CLNK: variants seen among roughly 807,000 people sequenced by gnomAD.
CLNK encodes cytokine-dependent hematopoietic cell linker.
CLNK carries 74 observed loss-of-function variants against 68.6 expected under a neutral mutation model. That is an observed-to-expected ratio of 1.08 (90% CI 0.89 to 1.31). CLNK has a LOEUF of 1.31. CLNK is among the 50% of genes most tolerant of loss of function. The pLI is 0.00. For missense variants in CLNK, 553 were observed against 515.3 expected (o/e 1.07, Z -0.71); for synonymous variants, 198 against 172.2 (o/e 1.15, Z -1.17).
chr4:10,713,635 A>G, the CLNK span, among the ~76,000 whole-genome samples: 1 of 152,104 alleles, frequency 6.6e-6, no homozygotes, highest in African/African-American at 2.4e-5. Flanking sequence ...GGTGGGGCCT[A>G]GTGGGAGGTA....
chr4:10,684,805 C>G (rs567425029), upstream of CLNK: 22 of 152,240 alleles, frequency 1.4e-4, no homozygotes, highest in African/African-American at 4.1e-4. Flanking sequence ...TAAGCAGTGC[C>G]CTTCAGCAGA....
intron 2 of CLNK, among the ~76,000 whole-genome samples, chr4:10,618,786 C>G (rs536901952): frequency 1.3e-5 from 2 of 152,178 alleles, no homozygotes; most frequent in African/African-American, 4.8e-5. Flanking sequence ...CCATATCTCA[C>G]AATAACTCAC....
intron 12 of CLNK, among the ~76,000 whole-genome samples, chr4:10,530,554 C>A (rs1718494517): frequency 6.6e-6 from 1 of 152,216 alleles, no homozygotes; most frequent in South Asian, 2.1e-4. Flanking sequence ...CAACTTCTAG[C>A]AGAATGCCAA....
the CLNK span, among the ~76,000 whole-genome samples, chr4:10,701,996 C>T: frequency 8.5e-5 from 13 of 152,124 alleles, no homozygotes; most frequent in Non-Finnish European, 8.8e-5. Flanking sequence ...GCAGATTTTC[C>T]GCTTGGCACA....
At chr4:10,616,987 T>C (rs1376720780) in intron 2 of CLNK, among the ~76,000 whole-genome samples, 1 of 151,966 alleles carries the variant, frequency 6.6e-6, no homozygotes, top group Admixed American at 6.5e-5. Context: ...AGGATGAAAC[T>C]CTGGGCTTCT....
At position 10,571,739 on chromosome 4, in the gene CLNK, A is replaced by G. The variant is rs1331809698; in HGVS notation, c.150+2T>C. On this transcript the variant is annotated splice_donor_variant, in intron 5 of 18. Transcript: ENST00000226951. LOFTEE classifies it high-confidence loss of function. ...AATAGATAAGGGAAGCAGCTGACTT[A>G]CCCAGTCTAGAAGAGGCTTGTTCAT... 6.2e-7 allele frequency: 1 copy of G among 1,611,412 alleles called. No individual in the cohort carries two copies. Among genetic ancestry groups the G allele is most frequent in the Non-Finnish European group, 8.5e-7 (1 of 1,177,802 alleles).
intron 2 of CLNK, among the ~76,000 whole-genome samples, chr4:10,664,029 T>C (rs1270526633): frequency 6.6e-6 from 1 of 152,218 alleles, no homozygotes; most frequent in Non-Finnish European, 1.5e-5. Flanking sequence ...TAAATTTCTG[T>C]TGTTCCTGAG....
intron 2 of CLNK, among the ~76,000 whole-genome samples, chr4:10,602,907 G>T (rs1721643063): frequency 6.6e-6 from 1 of 152,338 alleles, no homozygotes; most frequent in South Asian, 2.1e-4. Context: ...CCAGTGAGGG[G>T]TTGAATTTGC....
chr4:10,625,402 C>CT (rs1461829361), intron 2 of CLNK, among the ~76,000 whole-genome samples: 1 of 152,218 alleles, frequency 6.6e-6, no homozygotes, highest in Non-Finnish European at 1.5e-5. Context: ...CTGCCCTGAG[C>CT]TTGGCCCTTC....
intron 11 of CLNK, among the ~76,000 whole-genome samples, chr4:10,535,982 C>G (rs1267335402): frequency 1.3e-5 from 2 of 152,172 alleles, no homozygotes; most frequent in African/African-American, 4.8e-5. Context: ...CAATGAATGA[C>G]TGGGGTGACG....
chr4:10,701,161 G>T, the CLNK span, among the ~76,000 whole-genome samples: 2 of 152,116 alleles, frequency 1.3e-5, no homozygotes, highest in East Asian at 1.9e-4. Flanking sequence ...TGTTTCATTT[G>T]TTTGTCAATA....
At chr4:10,703,854 A>G in the CLNK span, among the ~76,000 whole-genome samples, 1 of 152,216 alleles carries the variant, frequency 6.6e-6, no homozygotes, top group Non-Finnish European at 1.5e-5. Context: ...GTAATAATAC[A>G]GTATTATAAC....
intron 2 of CLNK, among the ~76,000 whole-genome samples, chr4:10,640,948 A>AG (rs1723282599): frequency 6.6e-6 from 1 of 152,246 alleles, no homozygotes; most frequent in Non-Finnish European, 1.5e-5. Context: ...GCCACAGTGA[A>AG]GGGGGCCTTG....
chr4:10,709,225 T>C, the CLNK span, among the ~76,000 whole-genome samples: 3 of 152,362 alleles, frequency 2.0e-5, no homozygotes, highest in African/African-American at 7.2e-5. Context: ...TTCAGTGGAA[T>C]GTACTTTACA....
At chr4:10,505,251 G>T (rs139392967) in intron 17 of CLNK, among the ~76,000 whole-genome samples, 1 of 152,146 alleles carries the variant, frequency 6.6e-6, no homozygotes, top group Non-Finnish European at 1.5e-5. Flanking sequence ...AACCACCCAC[G>T]GCTCTCCACC....
In CLNK at chr4:10,532,276, T is replaced by C. The variant is rs1239199278; in HGVS notation, c.610A>G (p.Ser204Gly). The change falls in exon 12 of 19, where the codon AGC becomes GGC. Residue 204 changes from serine (S) to glycine (G), a missense_variant. Coordinates refer to ENST00000226951, the MANE Select transcript of CLNK (RefSeq NM_052964.4). Reference sequence around the variant, plus strand: ...CTTACCTCACTTAAGTCCCTTAAGCTTATCTGACTGCAAGAAAAAGAAATA... The same window carrying C: ...CTTACCTCACTTAAGTCCCTTAAGCCTATCTGACTGCAAGAAAAAGAAATA... ...PEVQRMPSQI[S>G]LRDLSEVLEA... The C allele has an allele frequency of 6.2e-7, 1 of 1,610,378 alleles. No homozygotes were observed. The highest frequency in any genetic ancestry group is 1.1e-5 in the South Asian group (1 of 90,616).
intron 2 of CLNK, among the ~76,000 whole-genome samples, chr4:10,628,615 C>T (rs915863134): frequency 3.3e-5 from 5 of 152,166 alleles, no homozygotes; most frequent in Non-Finnish European, 7.3e-5. Context: ...TTCTCATTCC[C>T]TGGGACGAAC....
At chr4:10,598,401 A>G (rs1721464752) in intron 2 of CLNK, among the ~76,000 whole-genome samples, 1 of 152,216 alleles carries the variant, frequency 6.6e-6, no homozygotes, top group African/African-American at 2.4e-5. Context: ...CTGTAAAATG[A>G]AGAATATCAT....
At chr4:10,545,722 G>A (rs760457195) in intron 8 of CLNK, among the ~76,000 whole-genome samples, 2 of 152,146 alleles carry the variant, frequency 1.3e-5, no homozygotes, top group Non-Finnish European at 2.9e-5. Context: ...CCACTCCTGT[G>A]ACAAGTCTCT....
Sources: allele counts gnomAD v4.1 joint callset (sites outside exome capture counted in the v4.1 genomes callset), GRCh38; gene constraint gnomAD v4.1.1; transcripts MANE v1.5; gene names NCBI Gene and HGNC (gene_info 2026-07-23, HGNC 2026-07-21).